Variants in CABLES1 observed in about 807,000 individuals in gnomAD.
The protein encoded by CABLES1 is Cdk5 and Abl enzyme substrate 1.
Under a neutral mutation model 57.8 loss-of-function variants are expected in CABLES1, and 36 were observed. The observed-to-expected ratio is 0.62, with a 90% confidence interval of 0.48 to 0.82. The LOEUF is 0.82. Ranked by LOEUF, CABLES1 falls within the 40% of genes least tolerant of loss-of-function variation. CABLES1 has a pLI of 0.00. For synonymous variants in CABLES1, 374 were observed against 363.0 expected, an observed-to-expected ratio of 1.03 and a Z score of -0.35; for missense variants, 767 against 836.6, an observed-to-expected ratio of 0.92 and a Z score of 1.03.
chr18:23,202,918 C>T (rs1207715960), intron 3 of CABLES1, among the ~76,000 whole-genome samples: 5 of 148,610 alleles, frequency 3.4e-5, no homozygotes, highest in Non-Finnish European at 7.4e-5. Context: ...ACCCGGGAGG[C>T]GGAGCTTGCA....
At chr18:23,235,858 GAAT>G in intron 5 of CABLES1, 34 bp from the exon 6 acceptor site, 5 of 1,604,434 alleles carry the variant, frequency 3.1e-6, no homozygotes, top group Non-Finnish European at 4.3e-6. Flanking sequence ...CAATGCCTGG[GAAT>G]AATCACTGGC....
intron 7 of CABLES1, among the ~76,000 whole-genome samples, chr18:23,241,944 C>T (rs1016321870): frequency 2.0e-5 from 3 of 152,100 alleles, no homozygotes; most frequent in African/African-American, 7.2e-5. Flanking sequence ...CCCACTGTTA[C>T]CTACTGTAGA....
At chr18:23,206,098 T>A (rs142853201) in intron 3 of CABLES1, among the ~76,000 whole-genome samples, 1 of 152,312 alleles carries the variant, frequency 6.6e-6, no homozygotes, top group Non-Finnish European at 1.5e-5. Context: ...TTTGTGGTGC[T>A]CTGACTTCGT....
At chr18:23,164,605 C>T (rs1336029495) in intron 1 of CABLES1, among the ~76,000 whole-genome samples, 4 of 152,042 alleles carry the variant, frequency 2.6e-5, no homozygotes, top group Admixed American at 2.0e-4. Context: ...AGATATTGCT[C>T]CATGCATCTG....
chr18:23,189,959 A>T (rs996955366), intron 2 of CABLES1, among the ~76,000 whole-genome samples: 3 of 152,226 alleles, frequency 2.0e-5, no homozygotes, highest in Admixed American at 2.0e-4. Flanking sequence ...CACTGACATC[A>T]TCCCAAAGAG....
intron 4 of CABLES1, among the ~76,000 whole-genome samples, chr18:23,221,371 G>A (rs962771433): frequency 2.6e-5 from 4 of 152,204 alleles, no homozygotes; most frequent in Non-Finnish European, 5.9e-5. Context: ...TCAAAGTCTT[G>A]CCTGCAGCAT....
intron 3 of CABLES1, among the ~76,000 whole-genome samples, chr18:23,202,713 G>A (rs983803554): frequency 1.1e-4 from 16 of 151,666 alleles, no homozygotes; most frequent in African/African-American, 2.7e-4. Flanking sequence ...CGGCCAGGGC[G>A]TGGTGGCTCA....
At chr18:23,247,068 C>T (rs1319283345) in intron 7 of CABLES1, among the ~76,000 whole-genome samples, 2 of 152,212 alleles carry the variant, frequency 1.3e-5, no homozygotes, top group Non-Finnish European at 2.9e-5. Flanking sequence ...CAGTCCCACA[C>T]CAGAAAGAAT....
intron 3 of CABLES1, among the ~76,000 whole-genome samples, chr18:23,200,889 AG>A (rs1324629230): frequency 6.6e-6 from 1 of 152,228 alleles, no homozygotes; most frequent in Admixed American, 6.5e-5. Flanking sequence ...GACCATCATC[AG>A]CCTGAGGGCG....
intron 1 of CABLES1, among the ~76,000 whole-genome samples, chr18:23,185,413 G>C (rs1011242594): frequency 6.6e-6 from 1 of 152,148 alleles, no homozygotes; most frequent in Non-Finnish European, 1.5e-5. Flanking sequence ...GGATCCCCAC[G>C]TGACTCTCAG....
chr18:23,253,755 C>A lies in CABLES1; in HGVS notation c.1580C>A (p.Ala527Glu). The A allele has an allele frequency of 6.2e-7, 1 of 1,614,156 alleles. No homozygotes were observed. The highest frequency in any genetic ancestry group is 8.5e-7 in the Non-Finnish European group (1 of 1,180,010). ...RSLKREMRKL[A>E]QEDCGLEEPT... Reference sequence around the variant, plus strand: ...CTGAAACGAGAGATGCGGAAGCTTGCGCAGGAGGACTGTGGCCTTGAGGAG... The same window carrying A: ...CTGAAACGAGAGATGCGGAAGCTTGAGCAGGAGGACTGTGGCCTTGAGGAG... The change falls in exon 9 of 10, where the codon GCG becomes GAG. Residue 527 changes from alanine (A) to glutamate (E), a missense_variant. Ala to Glu is a moderately radical substitution (Grantham distance 107). Transcript: ENST00000256925.
intron 7 of CABLES1, among the ~76,000 whole-genome samples, chr18:23,237,451 G>A (rs888415630): frequency 3.9e-5 from 6 of 152,230 alleles, no homozygotes; most frequent in Non-Finnish European, 8.8e-5. Context: ...CACTTTCAAG[G>A]CTGGGCTGCC....
chr18:23,136,548 C>T lies in CABLES1; in HGVS notation c.786C>T (p.Ser262=), dbSNP rs1438216307. ...FSRPTSQNYC[S]LEQPGQGGST... is the part of the protein sequence containing the mutation. ...GGCCGACTTCGCAGAACTACTGCTC[C>T]CTGGAGCAGCCAGGCCAGGGCGGCA... Residue 262 remains serine (S), a synonymous_variant, in exon 1 of 10, where the codon TCC becomes TCT. Transcript: ENST00000256925. The T allele has an allele frequency of 1.1e-5, 17 of 1,562,924 alleles. No individual in the cohort carries two copies. The highest frequency in any genetic ancestry group is 1.4e-5 in the African/African-American group (1 of 72,360).
At chr18:23,219,527 G>A (rs1307598625) in intron 4 of CABLES1, among the ~76,000 whole-genome samples, 1 of 152,204 alleles carries the variant, frequency 6.6e-6, no homozygotes, top group African/African-American at 2.4e-5. Flanking sequence ...GGCAGGGCCT[G>A]CCCTGTTGAG....
chr18:23,171,286 T>A (rs1243841671), intron 1 of CABLES1, among the ~76,000 whole-genome samples: 1 of 152,204 alleles, frequency 6.6e-6, no homozygotes, highest in East Asian at 1.9e-4. Context: ...CTCACCGGAT[T>A]GTTCTTAAAG....
At chr18:23,155,753 C>G (rs1290771717) in intron 1 of CABLES1, 2 of 1,392,310 alleles carry the variant, frequency 1.4e-6, no homozygotes, top group Non-Finnish European at 1.9e-6. Context: ...ATATTTTCCC[C>G]TATGGCTTTA....
At chr18:23,255,149 G>A (rs1265162988) in intron 9 of CABLES1, among the ~76,000 whole-genome samples, 2 of 152,160 alleles carry the variant, frequency 1.3e-5, no homozygotes, top group Non-Finnish European at 2.9e-5. Context: ...CATGGAGGAG[G>A]TGGTGGGAAT....
intron 1 of CABLES1, among the ~76,000 whole-genome samples, chr18:23,166,599 A>G (rs2047044507): frequency 6.6e-6 from 1 of 152,216 alleles, no homozygotes. Flanking sequence ...AATTCAAATT[A>G]CGCATAAACC....
chr18:23,180,671 A>G (rs2047158870), intron 1 of CABLES1, among the ~76,000 whole-genome samples: 1 of 152,144 alleles, frequency 6.6e-6, no homozygotes, highest in Admixed American at 6.6e-5. Flanking sequence ...CACTAAGCGC[A>G]GCTGATTTTA....
Sources: gnomAD v4.1 joint callset for allele counts (sites outside exome capture counted in the v4.1 genomes callset) on GRCh38, gnomAD v4.1.1 for gene constraint, MANE v1.5 for transcripts, NCBI Gene and HGNC (gene_info 2026-07-23, HGNC 2026-07-21) for gene names.